SLC28A1: variants seen among roughly 807,000 people sequenced by gnomAD.
SLC28A1 encodes sodium/nucleoside cotransporter 1.
SLC28A1 carries 64 observed loss-of-function variants against 74.8 expected under a neutral mutation model. That is an observed-to-expected ratio of 0.86 (90% confidence interval 0.70 to 1.05). SLC28A1 has a LOEUF of 1.05. Among genes scored for constraint, SLC28A1 ranks in the 50% least tolerant of loss-of-function variants. The pLI is 0.00. For missense variants in SLC28A1, 828 were observed against 822.8 expected, an observed-to-expected ratio of 1.01 and a Z score of -0.08; for synonymous variants, 359 against 335.0, an observed-to-expected ratio of 1.07 and a Z score of -0.78.
At chr15:84,975,048 C>T in the SLC28A1 span, among the ~76,000 whole-genome samples, 9 of 152,068 alleles carry the variant, frequency 5.9e-5, no homozygotes, top group African/African-American at 2.2e-4. Flanking sequence ...AGGCTGGAGG[C>T]CTGTGTTAAG....
chr15:84,934,665 C>G (rs1265134358), intron 13 of SLC28A1, among the ~76,000 whole-genome samples: 2 of 152,198 alleles, frequency 1.3e-5, no homozygotes, highest in Non-Finnish European at 2.9e-5. Flanking sequence ...TTTTACTTAA[C>G]CCTGTATACC....
rs1345244099 is a variant in SLC28A1, at chr15:84,904,113, G to A, written c.478G>A (p.Ala160Thr). ...TGCCTGCAGGGGTCTAGCTCTTGCT[G>A]CTTTCCTGGGCCTGGTCCTGTGGCT... ...LWFKRGLALA[A>T]FLGLVLWLSL... is the part of the protein sequence containing the mutation. The change falls in exon 7 of 19, where the codon GCT (alanine) becomes ACT (threonine). Residue 160 changes from alanine (A) to threonine (T), a missense_variant. Around this residue, in one of 3 missense-constraint regions of SLC28A1, gnomAD observed 767 missense variants for 753.5 expected, o/e 1.02. Transcript: ENST00000394573. 4 of 1,614,122 alleles carry A rather than the reference G, an allele frequency of 2.5e-6. No individual in the cohort carries two copies. Among genetic ancestry groups the A allele is most frequent in the South Asian group, 2.2e-5 (2 of 91,092 alleles).
chr15:84,955,006 C>A, the SLC28A1 span, among the ~76,000 whole-genome samples: 2 of 152,172 alleles, frequency 1.3e-5, no homozygotes, highest in Admixed American at 1.3e-4. Context: ...AGCACTCTGA[C>A]CCACCACAAA....
At chr15:84,905,486 C>T in intron 7 of SLC28A1, 53 bp from the exon 8 acceptor site, 2 of 1,303,060 alleles carry the variant, frequency 1.5e-6, no homozygotes, top group Non-Finnish European at 2.2e-6. Flanking sequence ...CACCCGGCTC[C>T]CTGCCCATCC....
intron 1 of SLC28A1, 132 bp from the exon 2 acceptor site, chr15:84,886,539 CA>C: frequency 3.0e-6 from 3 of 985,662 alleles, no homozygotes; most frequent in Non-Finnish European, 3.6e-6. Flanking sequence ...AGCCAGGTTG[CA>C]AGTGGGCCTG....
the SLC28A1 span, among the ~76,000 whole-genome samples, chr15:84,951,500 A>G: frequency 0.026 from 3,873 of 151,726 alleles, 174 homozygotes; most frequent in African/African-American, 0.088. Context: ...GACTGCCACG[A>G]CAGCACAAAC....
At chr15:84,971,304 A>G in the SLC28A1 span, among the ~76,000 whole-genome samples, 1 of 152,164 alleles carries the variant, frequency 6.6e-6, no homozygotes, top group Non-Finnish European at 1.5e-5. Flanking sequence ...CTCAAACCTC[A>G]TGTCAAAATT....
Position 84,908,583 on chromosome 15 carries a change from T to G in SLC28A1, c.718-135T>G, listed in dbSNP as rs188306955. On this transcript the variant is annotated intron_variant, in intron 8 of 18. Coordinates refer to ENST00000394573, the MANE Select transcript of SLC28A1 (RefSeq NM_004213.5). ...AGCAGCTTTAACGCACCTTGCCAGG[T>G]GGTGCCCCCCCCCGGATAAGGGCCT... 0.01 allele frequency: 7,288 copies of G among 722,944 alleles called. 352 individuals carry two copies. The African/African-American group carries it at 0.11, about 11-fold the overall frequency. 44.8% of individuals were successfully genotyped at this position (722,944 alleles called of 1,614,324 possible). A position where few individuals can be genotyped will look rare whatever the true frequency, so the allele number is the denominator to read the frequency against.
rs181903407 is a variant in SLC28A1 at position 84,900,160 on chromosome 15, T to A, written c.462-3937T>A. ...GGTGAAACCCTGTCTCTAATAAAAATATATATATAAAAAAATTAGCCAGGC... is the reference window on the plus strand; with the variant it reads ...GGTGAAACCCTGTCTCTAATAAAAAAATATATATAAAAAAATTAGCCAGGC... On this transcript the variant is annotated intron_variant, in intron 6 of 18. Transcript: ENST00000394573. Among the ~76,000 whole-genome samples, 675 of 150,602 alleles carry A rather than the reference T, an allele frequency of 4.5e-3. 5 individuals are homozygous for A. Among genetic ancestry groups the A allele is most frequent in the African/African-American group, 0.016 (641 of 41,010 alleles).
intron 4 of SLC28A1, 44 bp from the exon 5 acceptor site, chr15:84,890,399 G>T: frequency 7.1e-7 from 1 of 1,398,844 alleles, no homozygotes. Flanking sequence ...CCCCCAGATG[G>T]GGTCTGCTCA....
At chr15:84,919,825 T>C (rs1389451233) in intron 10 of SLC28A1, among the ~76,000 whole-genome samples, 1 of 152,110 alleles carries the variant, frequency 6.6e-6, no homozygotes, top group African/African-American at 2.4e-5. Context: ...TCAACATGAG[T>C]TTAGGTGGGG....
chr15:84,905,802 G>A (rs1206162049), intron 8 of SLC28A1, 150 bp downstream of exon 8: 3 of 694,512 alleles, frequency 4.3e-6, no homozygotes, highest in Non-Finnish European at 7.9e-6. Context: ...GACCAGGTGG[G>A]CAGCTGGGGA....
intron 12 of SLC28A1, among the ~76,000 whole-genome samples, chr15:84,929,027 G>GTCCA (rs986337137): frequency 2.1e-4 from 32 of 152,142 alleles, no homozygotes; most frequent in African/African-American, 7.7e-4. Flanking sequence ...GATCTCCACG[G>GTCCA]TCCAGTACAG....
intron 4 of SLC28A1, 45 bp from the exon 5 acceptor site, chr15:84,890,397 TG>T: frequency 7.3e-7 from 1 of 1,378,046 alleles, no homozygotes; most frequent in Non-Finnish European, 1.0e-6. Context: ...CTCCCCCAGA[TG>T]GGGTCTGCTC....
intron 2 of SLC28A1, chr15:84,887,288 G>C (rs2141613269): frequency 4.6e-6 from 4 of 867,482 alleles, no homozygotes; most frequent in Non-Finnish European, 4.2e-6. Flanking sequence ...ACATATGCAG[G>C]CTGTATATAA....
intron 6 of SLC28A1, 143 bp from the exon 7 acceptor site, chr15:84,903,954 G>C (rs1434843656): frequency 1.0e-5 from 11 of 1,078,726 alleles, no homozygotes; most frequent in Non-Finnish European, 1.5e-5. Context: ...TGGTTCCAGA[G>C]CTGGTGCTCT....
Position 84,887,470 on chromosome 15 carries a change from G to A in SLC28A1, c.-16-275G>A, listed in dbSNP as rs62020861. Reference sequence around the variant, plus strand: ...AGGCTGAGGTGGGAGGACTGCTTGAGCCCAGGAGTTGGAGGCCAGCCTGTG... The same window carrying A: ...AGGCTGAGGTGGGAGGACTGCTTGAACCCAGGAGTTGGAGGCCAGCCTGTG... On this transcript the variant is annotated intron_variant, in intron 2 of 18. Coordinates refer to ENST00000394573, the MANE Select transcript of SLC28A1 (RefSeq NM_004213.5). 8,078 of 979,276 alleles carry A rather than the reference G, an allele frequency of 8.2e-3. 39 individuals carry two copies. Among genetic ancestry groups the A allele is most frequent in the Non-Finnish European group, 9.3e-3 (7,626 of 824,290 alleles). 60.7% of individuals were successfully genotyped at this position (979,276 alleles called of 1,614,324 possible).
chr15:84,904,338 G>C, intron 7 of SLC28A1, 100 bp downstream of exon 7: 1 of 1,568,096 alleles, frequency 6.4e-7, no homozygotes, highest in Non-Finnish European at 8.7e-7. Flanking sequence ...TGTTCCTGTT[G>C]GGAGAGCCCT....
intron 9 of SLC28A1, 78 bp from the exon 10 acceptor site, chr15:84,918,445 TG>T: frequency 9.6e-7 from 1 of 1,041,206 alleles, no homozygotes; most frequent in Non-Finnish European, 1.5e-6. Flanking sequence ...GTGGGCTGTC[TG>T]GGGTCTCCTG....
Sources: allele counts gnomAD v4.1 joint callset (sites outside exome capture counted in the v4.1 genomes callset), GRCh38; gene constraint gnomAD v4.1.1; regional missense constraint gnomAD v4.1.1; transcripts MANE v1.5; gene names NCBI Gene and HGNC (gene_info 2026-07-23, HGNC 2026-07-21).